PDZK1: variants seen among roughly 807,000 people sequenced by gnomAD.
PDZK1 encodes PDZ domain containing 1, also known as Na(+)/H(+) exchange regulatory cofactor NHE-RF3.
PDZK1 carries 23 observed loss-of-function variants against 38.1 expected under a neutral mutation model. That is an observed-to-expected ratio of 0.60 (90% CI 0.43 to 0.85). PDZK1 has a LOEUF of 0.85. Among genes scored for constraint, PDZK1 ranks in the 40% least tolerant of loss-of-function variants. PDZK1 has a pLI of 0.00. For missense variants in PDZK1, 297 were observed against 504.3 expected (o/e 0.59, Z 3.94); for synonymous variants, 98 against 186.2 (o/e 0.53, Z 3.86).
At chr1:145,690,428 A>T (rs1655144239) in intron 1 of PDZK1, among the ~76,000 whole-genome samples, 1 of 152,214 alleles carries the variant, frequency 6.6e-6, no homozygotes, top group Non-Finnish European at 1.5e-5. Flanking sequence ...AATGAATAGG[A>T]TCATTTCAGA....
At position 145,673,036 on chromosome 1, in the gene PDZK1, C is replaced by CTGAG. The variant is rs1553698424; in HGVS notation, c.1216-20_1216-17dup. ...CCTTCTGTACCTGTGAACAGAAGTTCTGAGTTATCAATTTCAAACAGAGAA... is the reference window on the plus strand; with the variant it reads ...CCTTCTGTACCTGTGAACAGAAGTTCTGAGTGAGTTATCAATTTCAAACAGAGAA... On this transcript the variant is annotated splice_polypyrimidine_tract_variant and intron_variant, in intron 7 of 8. Transcript: ENST00000417171. 7.0e-7 allele frequency: 1 copy of CTGAG among 1,423,570 alleles called. No individual in the cohort carries two copies. Among genetic ancestry groups the CTGAG allele is most frequent in the East Asian group, 2.3e-5 (1 of 43,926 alleles). 88.2% of individuals were successfully genotyped at this position (1,423,570 alleles called of 1,614,324 possible).
At chr1:145,689,056 A>G (rs922676745) in intron 1 of PDZK1, among the ~76,000 whole-genome samples, 5 of 152,118 alleles carry the variant, frequency 3.3e-5, no homozygotes, top group Non-Finnish European at 7.4e-5. Context: ...CACAGCAGAA[A>G]AGAGATGCTC....
At chr1:145,700,396 G>A (rs767820206) in intron 1 of PDZK1, among the ~76,000 whole-genome samples, 35 of 152,180 alleles carry the variant, frequency 2.3e-4, no homozygotes, top group Non-Finnish European at 4.3e-4. Context: ...CCACCGCCTG[G>A]AGTGGATAAG....
chr1:145,687,716 A>G, intron 2 of PDZK1, 96 bp downstream of exon 2: 3 of 1,073,762 alleles, frequency 2.8e-6, no homozygotes, highest in East Asian at 2.4e-5. Flanking sequence ...CAGCCAGGAA[A>G]GAACCAAACT....
chr1:145,699,965 C>T (rs1376101695), intron 1 of PDZK1, among the ~76,000 whole-genome samples: 1 of 152,216 alleles, frequency 6.6e-6, no homozygotes, highest in Non-Finnish European at 1.5e-5. Flanking sequence ...AGCACAGTTT[C>T]TGGAGCATAG....
intron 1 of PDZK1, among the ~76,000 whole-genome samples, chr1:145,697,409 C>G (rs1655689886): frequency 6.6e-6 from 1 of 151,994 alleles, no homozygotes; most frequent in South Asian, 2.1e-4. Context: ...AATCAGAAAA[C>G]AAAATGCCAA....
At chr1:145,698,597 G>A (rs1655768748) in intron 1 of PDZK1, among the ~76,000 whole-genome samples, 1 of 152,104 alleles carries the variant, frequency 6.6e-6, no homozygotes, top group African/African-American at 2.4e-5. Flanking sequence ...AAGGAAAGTG[G>A]TAACTTTTAC....
At chr1:145,680,622 T>C (rs1388767714) in intron 5 of PDZK1, among the ~76,000 whole-genome samples, 1 of 151,832 alleles carries the variant, frequency 6.6e-6, no homozygotes, top group African/African-American at 2.4e-5. Flanking sequence ...ACCAATTTGG[T>C]ACCAAAAACA....
intron 1 of PDZK1, among the ~76,000 whole-genome samples, chr1:145,688,243 C>A (rs938939204): frequency 6.6e-6 from 1 of 152,056 alleles, no homozygotes; most frequent in South Asian, 2.1e-4. Context: ...TTCAGACCCA[C>A]GTATTTTTTA....
intron 1 of PDZK1, among the ~76,000 whole-genome samples, chr1:145,702,397 G>C (rs882211): frequency 0.058 from 8,844 of 151,956 alleles, 852 homozygotes; most frequent in African/African-American, 0.2. Flanking sequence ...GCTGCTGATA[G>C]ACAGCTCAAC....
chr1:145,695,502 CAAGG>C lies in PDZK1; in HGVS notation c.-2-7483_-2-7480del, dbSNP rs1655582654. On this transcript the variant is annotated intron_variant, in intron 1 of 8. Transcript: ENST00000417171. ...GAAAGAGGGAAAGCTTGGGTGTCGTCAAGGAAGAGCTAAAACCCAATGTGGTTGA... is the reference window on the plus strand; with the variant it reads ...GAAAGAGGGAAAGCTTGGGTGTCGTCAAGAGCTAAAACCCAATGTGGTTGA... Among the ~76,000 whole-genome samples the C allele has an allele frequency of 2.6e-5, 4 of 151,834 alleles. No individual in the cohort carries two copies. In the South Asian group the frequency reaches 8.3e-4, roughly 32 times the overall value.
At chr1:145,698,539 A>G (rs1019768509) in intron 1 of PDZK1, among the ~76,000 whole-genome samples, 2 of 152,198 alleles carry the variant, frequency 1.3e-5, no homozygotes, top group African/African-American at 2.4e-5. Flanking sequence ...TTGCAGCAGC[A>G]TGGGTTCCCA....
chr1:145,690,119 CA>C (rs1389190850), intron 1 of PDZK1, among the ~76,000 whole-genome samples: 1 of 152,178 alleles, frequency 6.6e-6, no homozygotes, highest in African/African-American at 2.4e-5. Context: ...GACCAGCTGC[CA>C]GGAAAACACC....
In PDZK1 at chr1:145,671,308, G is replaced by A; in HGVS notation, c.*128C>T. 1 of 1,489,028 alleles carries A rather than the reference G, an allele frequency of 6.7e-7. No homozygotes were observed. The highest frequency in any genetic ancestry group is 9.0e-7 in the Non-Finnish European group (1 of 1,109,888). 92.2% of individuals were successfully genotyped at this position (1,489,028 alleles called of 1,614,324 possible). A position where few individuals can be genotyped will look rare whatever the true frequency, so the allele number is the denominator to read the frequency against. Reference sequence around the variant, plus strand: ...CAGAAGACAATCACACATGGTGAATGGTTTCCAGTGGAGTTTTTCTTCTAA... The same window carrying A: ...CAGAAGACAATCACACATGGTGAATAGTTTCCAGTGGAGTTTTTCTTCTAA... On this transcript the variant is annotated 3_prime_UTR_variant, in exon 9 of 9. Transcript: ENST00000417171.
In PDZK1 at chr1:145,687,943, C is replaced by T; in HGVS notation, c.79G>A (p.Glu27Lys). The T allele has an allele frequency of 1.2e-6, 2 of 1,612,424 alleles. No individual in the cohort carries two copies. Among genetic ancestry groups the T allele is most frequent in the Non-Finnish European group, 1.7e-6 (2 of 1,179,590 alleles). Residue 27 changes from glutamate (E) to lysine (K), a missense_variant, in exon 2 of 9, where the codon GAG becomes AAG. By Grantham distance (56) the Glu-to-Lys change is moderately conservative. This residue lies in a region of PDZK1 where 159 missense variants were observed against 200.0 expected (regional missense o/e 0.79). Coordinates refer to ENST00000417171, the MANE Select transcript of PDZK1 (RefSeq NM_001201325.2). ...GQNYGFFLRI[E>K]KDTEGHLVRV... ...ACCAGGTGGCCCTCGGTGTCCTTCTCAATTCGCAGGAAGAAGCCATAGTTT... is the reference window on the plus strand; with the variant it reads ...ACCAGGTGGCCCTCGGTGTCCTTCTTAATTCGCAGGAAGAAGCCATAGTTT...
In PDZK1 at chr1:145,690,916, G is replaced by C. The variant is rs187439530; in HGVS notation, c.-2-2893C>G. ...GTTTTCAAACAGCCAGATGGTAATC[G>C]CTCAGATCTGCATCTATGGCTTTGA... On this transcript the variant is annotated intron_variant, in intron 1 of 8. Coordinates refer to ENST00000417171, the MANE Select transcript of PDZK1 (RefSeq NM_001201325.2). Among the ~76,000 whole-genome samples the C allele has an allele frequency of 3.3e-5, 5 of 152,222 alleles. 1 individual carries two copies. In the East Asian group the frequency reaches 9.6e-4, roughly 29 times the overall value.
At chr1:145,698,701 G>A (rs1655776491) in intron 1 of PDZK1, among the ~76,000 whole-genome samples, 2 of 152,070 alleles carry the variant, frequency 1.3e-5, no homozygotes, top group Non-Finnish European at 2.9e-5. Flanking sequence ...GGCCGAGACG[G>A]GTGAATTACT....
Position 145,671,368 on chromosome 1 carries a change from G to C in PDZK1, c.*68C>G, listed in dbSNP as rs1278834424. ...AAACAGGTCACAACTCATTCCTTGAGAAAGGATTCCTATTAAATACCCAGA... is the reference window on the plus strand; with the variant it reads ...AAACAGGTCACAACTCATTCCTTGACAAAGGATTCCTATTAAATACCCAGA... On this transcript the variant is annotated 3_prime_UTR_variant, in exon 9 of 9. Coordinates refer to ENST00000417171, the MANE Select transcript of PDZK1 (RefSeq NM_001201325.2). 5.0e-6 allele frequency: 8 copies of C among 1,606,352 alleles called. No homozygotes were observed. In the Admixed American group the frequency reaches 1.3e-4, roughly 27 times the overall value.
chr1:145,700,027 T>C (rs140756486), intron 1 of PDZK1, among the ~76,000 whole-genome samples: 39 of 152,300 alleles, frequency 2.6e-4, no homozygotes, highest in African/African-American at 9.4e-4. Context: ...AAACGCCTGA[T>C]GCAATGGGAA....
Sources: allele counts gnomAD v4.1 joint callset (sites outside exome capture counted in the v4.1 genomes callset), GRCh38; gene constraint gnomAD v4.1.1; regional missense constraint gnomAD v4.1.1; transcripts MANE v1.5; gene names NCBI Gene and HGNC (gene_info 2026-07-23, HGNC 2026-07-21).